The following CACNA2D1 variants were observed in gnomAD, a reference collection of about 807,000 sequenced individuals.
CACNA2D1 encodes the protein calcium voltage-gated channel auxiliary subunit alpha2delta 1, also known as voltage-dependent calcium channel subunit alpha-2/delta-1.
CACNA2D1 carries 53 observed loss-of-function variants against 171.5 expected under a neutral mutation model. The ratio of observed to expected loss-of-function variants is 0.31; its 90% CI spans 0.25 to 0.39. CACNA2D1 has a LOEUF of 0.39. Ranked by LOEUF, CACNA2D1 falls within the 10% of genes least tolerant of loss-of-function variation. The pLI is 1.00. For synonymous variants in CACNA2D1, 442 were observed against 443.1 expected, an observed-to-expected ratio of 1.00 and a Z score of 0.03; for missense variants, 903 against 1,299.8, an observed-to-expected ratio of 0.69 and a Z score of 4.69.
chr7:81,988,737 A>C (rs926251099), intron 21 of CACNA2D1, among the ~76,000 whole-genome samples: 19 of 152,184 alleles, frequency 1.2e-4, no homozygotes, highest in African/African-American at 4.6e-4. Context: ...CATTTCTCCA[A>C]ATTGAAATTC....
At chr7:82,380,190 T>C (rs1823530474) in intron 1 of CACNA2D1, among the ~76,000 whole-genome samples, 1 of 152,196 alleles carries the variant, frequency 6.6e-6, no homozygotes, top group Admixed American at 6.6e-5. Context: ...TCTCAAATTT[T>C]CTCACCTCCA....
chr7:82,126,057 CT>C (rs1365021504), intron 5 of CACNA2D1, among the ~76,000 whole-genome samples: 23 of 152,142 alleles, frequency 1.5e-4, no homozygotes, highest in Admixed American at 6.5e-5. Flanking sequence ...AGGAAATGGT[CT>C]GTATGTTTTA....
At chr7:82,363,516 C>G (rs755786432) in intron 1 of CACNA2D1, among the ~76,000 whole-genome samples, 2 of 152,012 alleles carry the variant, frequency 1.3e-5, no homozygotes, top group Non-Finnish European at 2.9e-5. Context: ...CCACCAGCCT[C>G]GGCCTCCCAA....
At chr7:81,978,028 C>T (rs920250247) in intron 24 of CACNA2D1, among the ~76,000 whole-genome samples, 1 of 152,098 alleles carries the variant, frequency 6.6e-6, no homozygotes, top group Non-Finnish European at 1.5e-5. Flanking sequence ...AAATCAAAAC[C>T]ACAATGAGAT....
intron 1 of CACNA2D1, among the ~76,000 whole-genome samples, chr7:82,360,075 A>G (rs1585647178): frequency 6.6e-6 from 1 of 152,218 alleles, no homozygotes; most frequent in Admixed American, 6.5e-5. Flanking sequence ...CCAAGAATGT[A>G]TAACTCCATT....
At chr7:82,005,293 G>A (rs73149900) in intron 18 of CACNA2D1, 130 bp downstream of exon 18, 10 of 688,660 alleles carry the variant, frequency 1.5e-5, no homozygotes, top group Non-Finnish European at 2.4e-5. Flanking sequence ...CATCTAAGAA[G>A]AGAGACGCAT....
intron 3 of CACNA2D1, among the ~76,000 whole-genome samples, chr7:82,237,448 A>G (rs1409898757): frequency 6.6e-6 from 1 of 151,818 alleles, no homozygotes; most frequent in East Asian, 1.9e-4. Context: ...TTTTTTTCCT[A>G]CCTCCAATCT....
chr7:82,269,718 C>T (rs535345473), intron 3 of CACNA2D1, among the ~76,000 whole-genome samples: 1 of 152,232 alleles, frequency 6.6e-6, no homozygotes, highest in Non-Finnish European at 1.5e-5. Flanking sequence ...TAAACATTTT[C>T]TGAGTGAATG....
intron 2 of CACNA2D1, chr7:82,343,171 C>CT (rs1340309376): frequency 6.6e-6 from 1 of 152,182 alleles, no homozygotes; most frequent in Non-Finnish European, 1.5e-5. Context: ...ACGAGTCTCC[C>CT]TAGCCACTCT....
At chr7:82,185,713 T>C (rs908414888) in intron 3 of CACNA2D1, among the ~76,000 whole-genome samples, 1 of 152,118 alleles carries the variant, frequency 6.6e-6, no homozygotes, top group Admixed American at 6.6e-5. Flanking sequence ...TTTGAACATA[T>C]AGACTGTATT....
At chr7:82,309,745 C>G (rs919319636) in intron 3 of CACNA2D1, among the ~76,000 whole-genome samples, 12 of 152,084 alleles carry the variant, frequency 7.9e-5, no homozygotes, top group African/African-American at 7.2e-5. Flanking sequence ...CGTGGCCCAC[C>G]AACTGCCATG....
chr7:82,384,298 G>A (rs1013547552), intron 1 of CACNA2D1, among the ~76,000 whole-genome samples: 2 of 152,172 alleles, frequency 1.3e-5, no homozygotes, highest in African/African-American at 4.8e-5. Flanking sequence ...AGGGTTAGAT[G>A]AGATCATGAG....
intron 3 of CACNA2D1, among the ~76,000 whole-genome samples, chr7:82,202,809 G>A (rs948262997): frequency 1.2e-4 from 18 of 147,490 alleles, no homozygotes; most frequent in Admixed American, 3.4e-4. Context: ...CAAGGGGTCC[G>A]CGCTGTAAAG....
At chr7:82,429,247 A>T (rs1343496435) in intron 1 of CACNA2D1, among the ~76,000 whole-genome samples, 2 of 152,220 alleles carry the variant, frequency 1.3e-5, no homozygotes, top group African/African-American at 4.8e-5. Context: ...TTCACTTGAT[A>T]TAAATCATTA....
chr7:82,032,832 G>T lies in CACNA2D1; in HGVS notation c.1108C>A (p.Gln370Lys). 1 of 1,586,954 alleles carries T rather than the reference G, an allele frequency of 6.3e-7. No individual in the cohort carries two copies. Among genetic ancestry groups the T allele is most frequent in the Non-Finnish European group, 8.6e-7 (1 of 1,157,208 alleles). The change falls in exon 12 of 39, where the codon CAG becomes AAG. Residue 370 changes from glutamine (Q) to lysine (K), a missense_variant. Gln to Lys is a moderately conservative substitution (Grantham distance 53). Transcript: ENST00000356860. Reference protein sequence around the residue: ...LFTDGGEERAQEIFNKYNKDK... With the variant: ...LFTDGGEERAKEIFNKYNKDK... ...TTATTGTATTTGTTAAATATCTCCT[G>T]GGCTCTCTCTTCTCCTCCATCCGTG...
rs139575987 is a variant in CACNA2D1 at position 82,231,964 on chromosome 7, T to C, written c.295-61355A>G. On this transcript the variant is annotated intron_variant, in intron 3 of 38. Coordinates refer to ENST00000356860, the MANE Select transcript of CACNA2D1 (RefSeq NM_000722.4). ...CTTCATAATATTAGTTTTTAAATTA[T>C]GTAATACCCTACCCACAATAAACTG... 5.3e-3 allele frequency among the ~76,000 whole-genome samples: 811 copies of C among 152,266 alleles called. 5 individuals are homozygous for C. The highest frequency in any genetic ancestry group is 0.01 in the Middle Eastern group (3 of 294).
intron 6 of CACNA2D1, among the ~76,000 whole-genome samples, chr7:82,101,364 G>C (rs1290950884): frequency 6.6e-6 from 1 of 152,116 alleles, no homozygotes; most frequent in Non-Finnish European, 1.5e-5. Context: ...GAGCACACAG[G>C]TGATGATGGG....
intron 3 of CACNA2D1, among the ~76,000 whole-genome samples, chr7:82,260,861 A>C (rs2129331541): frequency 6.6e-6 from 1 of 152,282 alleles, no homozygotes; most frequent in Admixed American, 6.5e-5. Flanking sequence ...TAAATGTAGG[A>C]TTTTGCCATA....
At chr7:81,983,370 C>CA (rs370937261) in intron 22 of CACNA2D1, 36 bp from the exon 23 acceptor site, 13,835 of 1,283,896 alleles carry the variant, frequency 0.011, 6 homozygotes, top group African/African-American at 0.021. Context: ...AGCAGGGAAA[C>CA]AAAAAAAAAA....
Sources: gnomAD v4.1 joint callset for allele counts (sites outside exome capture counted in the v4.1 genomes callset) on GRCh38, gnomAD v4.1.1 for gene constraint, MANE v1.5 for transcripts, NCBI Gene and HGNC (gene_info 2026-07-23, HGNC 2026-07-21) for gene names.